The following KCNIP4 variants were observed in gnomAD, a reference collection of about 807,000 sequenced individuals.
KCNIP4 encodes potassium voltage-gated channel interacting protein 4.
A neutral mutation model predicts 34.0 loss-of-function variants in KCNIP4; 12 were observed. The ratio of observed to expected loss-of-function variants is 0.35; its 90% CI spans 0.23 to 0.57. KCNIP4 has a LOEUF of 0.57. Ranked by LOEUF, KCNIP4 falls within the 20% of genes least tolerant of loss-of-function variation. KCNIP4 has a pLI of 0.83. For missense variants in KCNIP4, 238 were observed against 311.7 expected (o/e 0.76, Z 1.78); for synonymous variants, 124 against 102.2 (o/e 1.21, Z -1.29).
At chr4:21,270,000 G>A (rs1391124542) in intron 1 of KCNIP4, among the ~76,000 whole-genome samples, 1 of 152,166 alleles carries the variant, frequency 6.6e-6, no homozygotes, top group Non-Finnish European at 1.5e-5. Flanking sequence ...TTAGAGCAAA[G>A]CCCATTTGAA....
At chr4:21,564,512 T>TC (rs1214442337) in intron 1 of KCNIP4, among the ~76,000 whole-genome samples, 3 of 152,144 alleles carry the variant, frequency 2.0e-5, no homozygotes, top group Non-Finnish European at 2.9e-5. Context: ...AGTCTTCTGC[T>TC]CATTGTCACA....
At chr4:20,840,493 G>A (rs1046277041) in intron 3 of KCNIP4, among the ~76,000 whole-genome samples, 7 of 152,100 alleles carry the variant, frequency 4.6e-5, no homozygotes, top group Non-Finnish European at 1.0e-4. Context: ...CCATATGACT[G>A]AGCTCTGATG....
chr4:20,901,606 A>C (rs1727159537), intron 1 of KCNIP4, among the ~76,000 whole-genome samples: 1 of 152,214 alleles, frequency 6.6e-6, no homozygotes, highest in East Asian at 1.9e-4. Flanking sequence ...ATCTTCTCAA[A>C]ACATAATCAG....
intron 1 of KCNIP4, among the ~76,000 whole-genome samples, chr4:21,773,754 T>TG (rs1718980146): frequency 7.6e-5 from 11 of 143,928 alleles, no homozygotes; most frequent in African/African-American, 3.2e-4. Flanking sequence ...TGTTTTTTTT[T>TG]TTTTGTTTGT....
chr4:21,358,261 A>T (rs376504683), intron 1 of KCNIP4, among the ~76,000 whole-genome samples: 32 of 152,254 alleles, frequency 2.1e-4, no homozygotes, highest in African/African-American at 3.6e-4. Flanking sequence ...TGGCACATGC[A>T]TACATATGTA....
At chr4:21,639,140 AT>A (rs574664500) in intron 1 of KCNIP4, among the ~76,000 whole-genome samples, 8 of 152,274 alleles carry the variant, frequency 5.3e-5, no homozygotes, top group Admixed American at 2.0e-4. Flanking sequence ...GATTTTGGAT[AT>A]TTTTTTCAGG....
At chr4:21,559,175 C>T (rs1407101785) in intron 1 of KCNIP4, among the ~76,000 whole-genome samples, 1 of 151,962 alleles carries the variant, frequency 6.6e-6, no homozygotes, top group Admixed American at 6.6e-5. Context: ...GGAATGAATA[C>T]CAGGCCCTAG....
intron 1 of KCNIP4, among the ~76,000 whole-genome samples, chr4:21,355,104 G>C (rs1157799266): frequency 6.6e-6 from 1 of 152,110 alleles, no homozygotes. Flanking sequence ...TGAAACCAAT[G>C]AGAACAAAGA....
At chr4:21,832,177 G>T (rs1321178957) in intron 1 of KCNIP4, among the ~76,000 whole-genome samples, 1 of 152,094 alleles carries the variant, frequency 6.6e-6, no homozygotes, top group African/African-American at 2.4e-5. Context: ...TGAAGCATTT[G>T]ACGAAATTCA....
chr4:21,623,425 A>G (rs1745117270), intron 1 of KCNIP4, among the ~76,000 whole-genome samples: 1 of 152,202 alleles, frequency 6.6e-6, no homozygotes, highest in Non-Finnish European at 1.5e-5. Context: ...GCTGAGCTCA[A>G]TATTTTACCA....
intron 3 of KCNIP4, among the ~76,000 whole-genome samples, chr4:20,775,095 C>CG (rs1756262614): frequency 6.6e-6 from 1 of 152,122 alleles, no homozygotes; most frequent in Non-Finnish European, 1.5e-5. Context: ...GTGTATCAGG[C>CG]TCTCTGTTAT....
chr4:21,107,197 G>T (rs1748634962), intron 1 of KCNIP4, among the ~76,000 whole-genome samples: 1 of 147,178 alleles, frequency 6.8e-6, no homozygotes, highest in Non-Finnish European at 1.5e-5. Flanking sequence ...TGACAGTGGG[G>T]TGTTAAAGTC....
chr4:20,746,370 C>T (rs900022239), intron 5 of KCNIP4, among the ~76,000 whole-genome samples: 6 of 149,968 alleles, frequency 4.0e-5, no homozygotes, highest in African/African-American at 7.4e-5. Flanking sequence ...CAGGGCATGT[C>T]GGAGGGTGGG....
chr4:21,913,230 C>T (rs1728439182), intron 1 of KCNIP4, among the ~76,000 whole-genome samples: 1 of 152,050 alleles, frequency 6.6e-6, no homozygotes, highest in African/African-American at 2.4e-5. Flanking sequence ...AGACCAGCTA[C>T]TTGGGAGGCT....
At chr4:20,743,920 GAAAA>G (rs56209007) in intron 5 of KCNIP4, among the ~76,000 whole-genome samples, 1 of 141,802 alleles carries the variant, frequency 7.1e-6, no homozygotes, top group South Asian at 2.2e-4. Context: ...AAATTTACAA[GAAAA>G]AAAAAAACCC....
intron 1 of KCNIP4, among the ~76,000 whole-genome samples, chr4:21,198,150 T>A (rs927416772): frequency 2.0e-5 from 3 of 152,214 alleles, no homozygotes; most frequent in African/African-American, 7.2e-5. Flanking sequence ...ACACTTGTCA[T>A]TCCAAGAGTA....
intron 1 of KCNIP4, among the ~76,000 whole-genome samples, chr4:21,494,589 A>G (rs1419416398): frequency 6.6e-6 from 1 of 152,032 alleles, no homozygotes; most frequent in East Asian, 1.9e-4. Flanking sequence ...CTTGGCCAAC[A>G]TAGTGAAACC....
At chr4:21,239,106 C>G (rs1385840626) in intron 1 of KCNIP4, among the ~76,000 whole-genome samples, 2 of 151,822 alleles carry the variant, frequency 1.3e-5, no homozygotes, top group African/African-American at 2.4e-5. Flanking sequence ...ACAAACCTGA[C>G]AAAAACAAGC....
intron 1 of KCNIP4, among the ~76,000 whole-genome samples, chr4:21,311,257 T>C (rs1254962174): frequency 2.6e-5 from 4 of 152,190 alleles, no homozygotes; most frequent in Non-Finnish European, 5.9e-5. Flanking sequence ...AGCCACTATA[T>C]GGATAAGAAG....
Sources: gnomAD v4.1 joint callset for allele counts (sites outside exome capture counted in the v4.1 genomes callset) on GRCh38, gnomAD v4.1.1 for gene constraint, MANE v1.5 for transcripts, NCBI Gene and HGNC (gene_info 2026-07-23, HGNC 2026-07-21) for gene names.